The following RBFOX1 variants were observed in gnomAD, a reference collection of about 807,000 sequenced individuals.
The protein encoded by RBFOX1 is RNA binding fox-1 homolog 1.
A neutral mutation model predicts 57.7 loss-of-function variants in RBFOX1; 8 were observed. That is an observed-to-expected ratio of 0.14 (90% CI 0.08 to 0.25). The LOEUF is 0.25. RBFOX1 is among the 10% of genes least tolerant of loss of function. RBFOX1 has a pLI of 1.00. For missense variants in RBFOX1, 611 were observed against 548.5 expected, an observed-to-expected ratio of 1.11 and a Z score of -1.14; for synonymous variants, 326 against 222.4, an observed-to-expected ratio of 1.47 and a Z score of -4.15.
At chr16:6,206,567 T>C (rs1298531925) in intron 1 of RBFOX1, among the ~76,000 whole-genome samples, 1 of 152,232 alleles carries the variant, frequency 6.6e-6, no homozygotes, top group Non-Finnish European at 1.5e-5. Context: ...TATTAAATGT[T>C]CAATGTTTGT....
intron 14 of RBFOX1, among the ~76,000 whole-genome samples, chr16:7,686,838 A>T (rs1383429290): frequency 6.6e-6 from 1 of 152,214 alleles, no homozygotes; most frequent in African/African-American, 2.4e-5. Context: ...GAGAATGTTA[A>T]ATGTTGGAGG....
chr16:5,988,348 G>A lies in RBFOX1; in HGVS notation c.351+121013G>A, dbSNP rs75033174. Among the ~76,000 whole-genome samples the A allele has an allele frequency of 1.8e-4, 28 of 152,288 alleles. No homozygotes were observed. The East Asian group carries it at 4.2e-3, about 23-fold the overall frequency. ...TAAATGCAATAAGGAGTTGGACACAGCCATTATCCTAATTCAAAGTGATTA... is the reference window on the plus strand; with the variant it reads ...TAAATGCAATAAGGAGTTGGACACAACCATTATCCTAATTCAAAGTGATTA... On this transcript the variant is annotated intron_variant, in intron 4 of 19. Transcript: ENST00000641259.
At chr16:7,108,284 T>G (rs1040310181) in intron 4 of RBFOX1, among the ~76,000 whole-genome samples, 1 of 152,184 alleles carries the variant, frequency 6.6e-6, no homozygotes, top group Admixed American at 6.5e-5. Flanking sequence ...GCTCAACATA[T>G]ATGCTCACAA....
intron 3 of RBFOX1, among the ~76,000 whole-genome samples, chr16:6,819,868 A>C (rs987217600): frequency 1.3e-5 from 2 of 152,116 alleles, no homozygotes; most frequent in African/African-American, 4.8e-5. Context: ...GTAACCTACA[A>C]TGTAAGTGCT....
chr16:7,347,453 C>T (rs752042166), intron 4 of RBFOX1, among the ~76,000 whole-genome samples: 1 of 152,108 alleles, frequency 6.6e-6, no homozygotes, highest in Non-Finnish European at 1.5e-5. Context: ...AGGAAAGACC[C>T]GCCCCCCAAA....
rs796685826 is a variant in RBFOX1, at chr16:5,636,056, GA to G, written c.318+37105del. ...GGACCCTTTCTCCATTTAAAAAAGA[GA>G]AAAAAAAAAGGCTGGCATGGTGGCT... On this transcript the variant is annotated intron_variant, in intron 3 of 19. Transcript: ENST00000641259. Among the ~76,000 whole-genome samples, 21 of 147,882 alleles carry G rather than the reference GA, an allele frequency of 1.4e-4. 1 individual carries two copies. The highest frequency in any genetic ancestry group is 6.5e-4 in the South Asian group (3 of 4,644).
chr16:5,674,894 C>T (rs1036752401), intron 3 of RBFOX1, among the ~76,000 whole-genome samples: 1 of 152,128 alleles, frequency 6.6e-6, no homozygotes, highest in Non-Finnish European at 1.5e-5. Context: ...TGTCTGTAAT[C>T]CCAGCACTTT....
At chr16:7,350,945 A>C (rs1296729735) in intron 4 of RBFOX1, among the ~76,000 whole-genome samples, 1 of 152,232 alleles carries the variant, frequency 6.6e-6, no homozygotes, top group Non-Finnish European at 1.5e-5. Flanking sequence ...AACCTGCCTG[A>C]GCATGGAAGA....
intron 1 of RBFOX1, among the ~76,000 whole-genome samples, chr16:6,096,173 A>T (rs938750960): frequency 3.3e-5 from 5 of 152,194 alleles, no homozygotes; most frequent in Admixed American, 2.6e-4. Flanking sequence ...ATAGTTATTT[A>T]TAACCTGATG....
chr16:5,673,706 G>A (rs987342316), intron 3 of RBFOX1, among the ~76,000 whole-genome samples: 2 of 152,088 alleles, frequency 1.3e-5, no homozygotes, highest in Non-Finnish European at 2.9e-5. Flanking sequence ...GCTACTTATT[G>A]TGGCATCCCT....
At chr16:5,867,866 C>A (rs2057380004) in intron 4 of RBFOX1, among the ~76,000 whole-genome samples, 1 of 152,018 alleles carries the variant, frequency 6.6e-6, no homozygotes, top group African/African-American at 2.4e-5. Flanking sequence ...TGTGCACCGC[C>A]ACGCCTGGCT....
chr16:7,101,030 G>T (rs2062600281), intron 4 of RBFOX1, among the ~76,000 whole-genome samples: 1 of 152,062 alleles, frequency 6.6e-6, no homozygotes, highest in Non-Finnish European at 1.5e-5. Context: ...AAGGATATAT[G>T]GTACAAAGTT....
At chr16:5,718,928 AT>A (rs2051822233) in intron 3 of RBFOX1, among the ~76,000 whole-genome samples, 2 of 151,904 alleles carry the variant, frequency 1.3e-5, no homozygotes, top group African/African-American at 4.8e-5. Flanking sequence ...GAATGAATGA[AT>A]GAATGAATGA....
intron 3 of RBFOX1, among the ~76,000 whole-genome samples, chr16:6,715,838 A>G (rs935946503): frequency 3.3e-5 from 5 of 152,178 alleles, no homozygotes; most frequent in Non-Finnish European, 1.5e-5. Context: ...GAGATCATGA[A>G]CCAATACTGT....
At chr16:6,621,266 C>T (rs1047164760) in intron 2 of RBFOX1, among the ~76,000 whole-genome samples, 3 of 152,086 alleles carry the variant, frequency 2.0e-5, no homozygotes, top group Admixed American at 1.3e-4. Flanking sequence ...TGGAGAGTAT[C>T]TTGGCTAACA....
intron 3 of RBFOX1, among the ~76,000 whole-genome samples, chr16:5,808,482 G>A (rs2055307350): frequency 6.6e-6 from 1 of 152,122 alleles, no homozygotes; most frequent in African/African-American, 2.4e-5. Flanking sequence ...TGATGGAGAT[G>A]GCATTGAATC....
chr16:7,502,100 T>TG (rs1339147103), intron 4 of RBFOX1, among the ~76,000 whole-genome samples: 1 of 152,218 alleles, frequency 6.6e-6, no homozygotes, highest in Non-Finnish European at 1.5e-5. Context: ...ACAGCCTTTT[T>TG]TTTTTCAGCT....
chr16:5,562,302 GA>G (rs2151109628), intron 2 of RBFOX1, among the ~76,000 whole-genome samples: 1 of 152,330 alleles, frequency 6.6e-6, no homozygotes, highest in East Asian at 1.9e-4. Flanking sequence ...GTCCTACTTA[GA>G]AGTCAGACAG....
chr16:6,723,972 G>A (rs1414428002), intron 3 of RBFOX1: 1 of 152,162 alleles, frequency 6.6e-6, no homozygotes, highest in Non-Finnish European at 1.5e-5. Flanking sequence ...CTGAGGGCAA[G>A]TAGGATTTTC....
Sources: allele counts gnomAD v4.1 joint callset (sites outside exome capture counted in the v4.1 genomes callset), GRCh38; gene constraint gnomAD v4.1.1; transcripts MANE v1.5; gene names NCBI Gene and HGNC (gene_info 2026-07-23, HGNC 2026-07-21).